PRKN: variants seen among roughly 807,000 people sequenced by gnomAD.
PRKN encodes E3 ubiquitin-protein ligase parkin.
Under a neutral mutation model 59.5 loss-of-function variants are expected in PRKN, and 56 were observed. The observed-to-expected ratio is 0.94, with a 90% confidence interval of 0.76 to 1.18. The LOEUF (loss-of-function observed/expected upper bound fraction) is 1.18. Ranked by LOEUF, PRKN falls within the 50% of genes most tolerant of loss-of-function variation. The pLI is 0.00. For missense variants in PRKN, 657 were observed against 596.4 expected, an observed-to-expected ratio of 1.10 and a Z score of -1.06; for synonymous variants, 250 against 222.1, an observed-to-expected ratio of 1.13 and a Z score of -1.12.
At chr6:162,319,095 C>T (rs1464204225) in intron 2 of PRKN, among the ~76,000 whole-genome samples, 2 of 151,886 alleles carry the variant, frequency 1.3e-5, no homozygotes, top group Non-Finnish European at 2.9e-5. Context: ...AGAAATATTT[C>T]CTGATTAAGT....
At chr6:161,670,964 C>G (rs145933365) in intron 7 of PRKN, among the ~76,000 whole-genome samples, 1 of 152,266 alleles carries the variant, frequency 6.6e-6, no homozygotes, top group African/African-American at 2.4e-5. Flanking sequence ...ATTAGCACTT[C>G]AACATTATCT....
chr6:161,695,519 C>T (rs1785982688), intron 7 of PRKN, among the ~76,000 whole-genome samples: 1 of 152,196 alleles, frequency 6.6e-6, no homozygotes, highest in African/African-American at 2.4e-5. Flanking sequence ...TTATTTACAC[C>T]AGCAAAGTGA....
intron 2 of PRKN, among the ~76,000 whole-genome samples, chr6:162,429,369 G>A (rs764553285): frequency 6.6e-6 from 1 of 152,100 alleles, no homozygotes; most frequent in East Asian, 1.9e-4. Flanking sequence ...ACCCATCACC[G>A]GAAGAATGAC....
intron 9 of PRKN, among the ~76,000 whole-genome samples, chr6:161,394,822 T>C (rs961529329): frequency 6.6e-6 from 1 of 152,204 alleles, no homozygotes; most frequent in African/African-American, 2.4e-5. Context: ...ACAATGGTTC[T>C]GCTGGGAATT....
At chr6:162,021,461 A>ATATATATATATATTT (rs59250759) in intron 5 of PRKN, among the ~76,000 whole-genome samples, 8 of 24,662 alleles carry the variant, frequency 3.2e-4, no homozygotes, top group African/African-American at 7.3e-4. Context: ...ATATATATAT[A>ATATATATATATATTT]TTTTTTTTTT....
intron 4 of PRKN, among the ~76,000 whole-genome samples, chr6:162,180,443 C>T (rs1159595278): frequency 7.6e-6 from 1 of 132,144 alleles, no homozygotes; most frequent in African/African-American, 2.8e-5. Context: ...ACAAAAATTA[C>T]AAATGAAAAA....
chr6:161,367,598 A>G (rs1262759317), intron 10 of PRKN, among the ~76,000 whole-genome samples: 2 of 151,978 alleles, frequency 1.3e-5, no homozygotes, highest in African/African-American at 4.8e-5. Flanking sequence ...AATGAACGAC[A>G]TGGCATTCTG....
chr6:161,722,312 T>G (rs1421496433), intron 7 of PRKN, among the ~76,000 whole-genome samples: 1 of 152,196 alleles, frequency 6.6e-6, no homozygotes, highest in Non-Finnish European at 1.5e-5. Flanking sequence ...AATGTATACA[T>G]TATTTTACAA....
chr6:161,799,984 A>G (rs1232862790), intron 6 of PRKN, among the ~76,000 whole-genome samples: 1 of 152,218 alleles, frequency 6.6e-6, no homozygotes, highest in Non-Finnish European at 1.5e-5. Context: ...ATGAGGTCTG[A>G]GGAGATGAAG....
intron 1 of PRKN, among the ~76,000 whole-genome samples, chr6:162,595,402 T>C (rs1443745325): frequency 6.6e-6 from 1 of 151,930 alleles, no homozygotes; most frequent in Middle Eastern, 3.4e-3. Context: ...ACTACAGATA[T>C]GTGCCACCAC....
At chr6:161,767,009 CA>C (rs1401597486) in intron 7 of PRKN, among the ~76,000 whole-genome samples, 1 of 152,062 alleles carries the variant, frequency 6.6e-6, no homozygotes, top group African/African-American at 2.4e-5. Context: ...GTAATGTACG[CA>C]AAAGGCCTGC....
chr6:162,323,251 G>C (rs1162938054), intron 2 of PRKN, among the ~76,000 whole-genome samples: 2 of 151,560 alleles, frequency 1.3e-5, no homozygotes, highest in East Asian at 1.9e-4. Context: ...ACTTGAAATG[G>C]ATCTCACCAA....
rs375665893 is a variant in PRKN, at chr6:162,455,878, T to C, written c.8-12405A>G. 1.2e-3 allele frequency among the ~76,000 whole-genome samples: 181 copies of C among 152,204 alleles called. 1 individual carries two copies. Among genetic ancestry groups the C allele is most frequent in the East Asian group, 0.011 (55 of 5,190 alleles). On this transcript the variant is annotated intron_variant, in intron 1 of 11. Coordinates refer to ENST00000366898, the MANE Select transcript of PRKN (RefSeq NM_004562.3). ...AATTTGTCAGATTGAACAAAATACC[T>C]CTAAATGATAGAATGGCAAGAAAAA...
In PRKN at chr6:161,395,604, A is replaced by G. The variant is rs2114966342; in HGVS notation, c.1084-8727T>C. 6.6e-6 allele frequency among the ~76,000 whole-genome samples: 1 copy of G among 152,304 alleles called. No homozygotes were observed. The highest frequency in any genetic ancestry group is 1.9e-4 in the East Asian group (1 of 5,172). ...GGTGGGTGGAAGCTGCTTCCCCAACACGCTGTGGTCTCAACCACCGCCTTT... is the reference window on the plus strand; with the variant it reads ...GGTGGGTGGAAGCTGCTTCCCCAACGCGCTGTGGTCTCAACCACCGCCTTT... On this transcript the variant is annotated intron_variant, in intron 9 of 11. Coordinates refer to ENST00000366898, the MANE Select transcript of PRKN (RefSeq NM_004562.3). This position sits in a 1 kb window ranked among gnomAD's most constrained non-coding sequence, Gnocchi z 5.0.
intron 5 of PRKN, among the ~76,000 whole-genome samples, chr6:161,979,351 C>A (rs564832686): frequency 6.6e-6 from 1 of 152,312 alleles, no homozygotes; most frequent in African/African-American, 2.4e-5. Context: ...TGGCTTACTG[C>A]AACCTACGCC....
intron 1 of PRKN, among the ~76,000 whole-genome samples, chr6:162,668,234 A>T (rs1779178691): frequency 6.6e-6 from 1 of 152,244 alleles, no homozygotes; most frequent in Admixed American, 6.5e-5. Flanking sequence ...TCATAATTGT[A>T]AGATTAAAAT....
intron 5 of PRKN, among the ~76,000 whole-genome samples, chr6:161,984,096 T>G (rs2128255204): frequency 6.6e-6 from 1 of 151,598 alleles, no homozygotes; most frequent in Middle Eastern, 3.4e-3. Context: ...GCGGTCAGAG[T>G]AAAACAGGCT....
intron 2 of PRKN, among the ~76,000 whole-genome samples, chr6:162,308,070 C>T (rs111917869): frequency 1.6e-3 from 251 of 152,294 alleles, no homozygotes; most frequent in Non-Finnish European, 2.9e-3. Context: ...GATGCAAATG[C>T]ATGGGTGGTG....
chr6:162,058,010 C>T (rs1238622521), intron 4 of PRKN, among the ~76,000 whole-genome samples: 2 of 152,158 alleles, frequency 1.3e-5, no homozygotes, highest in South Asian at 2.1e-4. Flanking sequence ...ACCCAGAGGG[C>T]ACATCTTGCC....
Sources: gnomAD v4.1 joint callset for allele counts (sites outside exome capture counted in the v4.1 genomes callset) on GRCh38, gnomAD v4.1.1 for gene constraint, Gnocchi (gnomAD v3.1) non-coding constraint, MANE v1.5 for transcripts, NCBI Gene and HGNC (gene_info 2026-07-23, HGNC 2026-07-21) for gene names.